The following NBEA variants were observed in gnomAD, a reference collection of about 807,000 sequenced individuals.
NBEA encodes the protein lysosomal-trafficking regulator 2.
NBEA carries 44 observed loss-of-function variants against 343.4 expected under a neutral mutation model. The ratio of observed to expected loss-of-function variants is 0.13; its 90% CI spans 0.10 to 0.16. The LOEUF (loss-of-function observed/expected upper bound fraction) is 0.16, where lower values mean the gene tolerates loss of function less well. NBEA is among the 10% of genes least tolerant of loss of function. The pLI is 1.00. For missense variants in NBEA, 2,555 were observed against 3,631.3 expected (o/e 0.70, Z 7.62); for synonymous variants, 1,175 against 1,238.7 (o/e 0.95, Z 1.08).
intron 11 of NBEA, among the ~76,000 whole-genome samples, chr13:35,099,307 T>G (rs1349758938): frequency 9.9e-5 from 15 of 150,764 alleles, no homozygotes; most frequent in Non-Finnish European, 1.6e-4. Flanking sequence ...CACGCCATTC[T>G]CCTGCCTCAG....
rs938838785 is a variant in NBEA, at chr13:35,505,568, A to G, written c.6585+33032A>G. 4.6e-5 allele frequency among the ~76,000 whole-genome samples: 7 copies of G among 152,212 alleles called. No homozygotes were observed. In the South Asian group the frequency reaches 6.2e-4, roughly 14 times the overall value. ...TAACTGTTATATTAGGGATACATCTATGCCTAAGCTGAAGCCTGAAGCTAT... is the reference window on the plus strand; with the variant it reads ...TAACTGTTATATTAGGGATACATCTGTGCCTAAGCTGAAGCCTGAAGCTAT... On this transcript the variant is annotated intron_variant, in intron 41 of 58. Coordinates refer to ENST00000379939, the MANE Select transcript of NBEA (RefSeq NM_001385012.1).
At chr13:35,274,969 T>C (rs1175450416) in intron 34 of NBEA, among the ~76,000 whole-genome samples, 1 of 152,150 alleles carries the variant, frequency 6.6e-6, no homozygotes, top group Non-Finnish European at 1.5e-5. Flanking sequence ...ACCATCAAAC[T>C]ACCACTGACT....
At chr13:35,181,551 G>A (rs1404446799) in intron 28 of NBEA, among the ~76,000 whole-genome samples, 2 of 150,782 alleles carry the variant, frequency 1.3e-5, no homozygotes, top group Non-Finnish European at 3.0e-5. Flanking sequence ...TGTAGATTGT[G>A]GCTATTAGTT....
intron 1 of NBEA, among the ~76,000 whole-genome samples, chr13:34,984,677 A>G (rs1026695636): frequency 6.6e-6 from 1 of 150,916 alleles, no homozygotes; most frequent in Admixed American, 6.6e-5. Flanking sequence ...TGAGCATGGA[A>G]TGTTCTTCCA....
chr13:35,612,680 T>A (rs1268135269), intron 48 of NBEA, among the ~76,000 whole-genome samples: 3 of 152,182 alleles, frequency 2.0e-5, no homozygotes, highest in East Asian at 1.9e-4. Context: ...TAGACAGTGT[T>A]ATACCCCAAA....
intron 41 of NBEA, among the ~76,000 whole-genome samples, chr13:35,540,135 T>C (rs140791450): frequency 6.6e-6 from 1 of 151,996 alleles, no homozygotes; most frequent in African/African-American, 2.4e-5. Context: ...AAAGAGAAAA[T>C]AATTTGTCTC....
intron 38 of NBEA, among the ~76,000 whole-genome samples, chr13:35,384,738 C>G (rs918164422): frequency 6.6e-6 from 1 of 152,066 alleles, no homozygotes; most frequent in African/African-American, 2.4e-5. Flanking sequence ...GTTGGCCAAG[C>G]TGGTCTTGAA....
intron 47 of NBEA, among the ~76,000 whole-genome samples, chr13:35,596,118 ATG>A (rs145947109): frequency 1.3e-5 from 2 of 151,114 alleles, no homozygotes; most frequent in African/African-American, 4.8e-5. Flanking sequence ...GTGTGTGTGT[ATG>A]TGTGTGTGTG....
At chr13:35,488,053 G>A (rs2076367067) in intron 41 of NBEA, among the ~76,000 whole-genome samples, 1 of 151,766 alleles carries the variant, frequency 6.6e-6, no homozygotes, top group African/African-American at 2.4e-5. Context: ...TATTACCGAG[G>A]TCCTAAGTAC....
intron 1 of NBEA, among the ~76,000 whole-genome samples, chr13:34,968,837 T>A (rs914974740): frequency 4.6e-5 from 7 of 152,262 alleles, no homozygotes; most frequent in East Asian, 3.9e-4. Flanking sequence ...GAACTTTTTT[T>A]AAACACATAT....
rs765473163 is a variant in NBEA at position 35,159,890 on chromosome 13, C to T, written c.3719C>T (p.Thr1240Ile). The change falls in exon 22 of 59, where the codon ACA becomes ATA. Residue 1240 changes from threonine to isoleucine, a missense_variant. Physicochemically the swap from Thr to Ile is moderately conservative, Grantham distance 89. Transcript: ENST00000379939. ...CTGGAGTATGCTGAAATGACTGCTA[C>T]AACTCTGGAAACTGAGTCTTCTAGT... is the stretch of plus-strand genomic sequence containing the variant. ...KGLEYAEMTA[T>I]TLETESSSSK... 1.2e-6 allele frequency: 2 copies of T among 1,600,646 alleles called. No homozygotes were observed. Among genetic ancestry groups the T allele is most frequent in the African/African-American group, 1.3e-5 (1 of 74,820 alleles).
chr13:35,578,529 A>G (rs1196443605), intron 45 of NBEA, among the ~76,000 whole-genome samples: 1 of 152,182 alleles, frequency 6.6e-6, no homozygotes, highest in African/African-American at 2.4e-5. Context: ...AGAATTTCAT[A>G]TTTAGCAATG....
At chr13:35,329,073 G>A (rs1245826495) in intron 36 of NBEA, among the ~76,000 whole-genome samples, 2 of 151,840 alleles carry the variant, frequency 1.3e-5, no homozygotes, top group African/African-American at 2.4e-5. Flanking sequence ...TATACAAATG[G>A]CCAATCACTG....
At chr13:35,575,155 G>A (rs995020602) in intron 45 of NBEA, among the ~76,000 whole-genome samples, 2 of 152,098 alleles carry the variant, frequency 1.3e-5, no homozygotes, top group African/African-American at 2.4e-5. Flanking sequence ...TTAATTAATA[G>A]AAAAATGTAA....
At chr13:35,515,900 A>G (rs1360484043) in intron 41 of NBEA, among the ~76,000 whole-genome samples, 1 of 152,154 alleles carries the variant, frequency 6.6e-6, no homozygotes, top group Non-Finnish European at 1.5e-5. Context: ...CAAAGCACAT[A>G]TTATATCACA....
intron 1 of NBEA, among the ~76,000 whole-genome samples, chr13:34,955,155 T>C (rs1359754107): frequency 1.3e-5 from 2 of 152,164 alleles, no homozygotes; most frequent in Non-Finnish European, 2.9e-5. Flanking sequence ...TTTATCTTGA[T>C]GACTGTAGTT....
chr13:34,974,022 C>G (rs759145953), intron 1 of NBEA, among the ~76,000 whole-genome samples: 1 of 152,158 alleles, frequency 6.6e-6, no homozygotes, highest in Admixed American at 6.5e-5. Flanking sequence ...GAAGGGATCT[C>G]TCCTGACCTG....
At chr13:35,452,320 G>C (rs150315571) in intron 40 of NBEA, 85 bp downstream of exon 40, 6 of 970,452 alleles carry the variant, frequency 6.2e-6, no homozygotes. Flanking sequence ...GTAAATAAAT[G>C]TGTGCCAATG....
At chr13:35,667,169 C>T (rs760870143) in intron 56 of NBEA, among the ~76,000 whole-genome samples, 7 of 152,138 alleles carry the variant, frequency 4.6e-5, no homozygotes, top group African/African-American at 9.7e-5. Context: ...AAGAAGCGTG[C>T]GGCGTAGGAG....
Sources: gnomAD v4.1 joint callset for allele counts (sites outside exome capture counted in the v4.1 genomes callset) on GRCh38, gnomAD v4.1.1 for gene constraint, MANE v1.5 for transcripts, NCBI Gene and HGNC (gene_info 2026-07-23, HGNC 2026-07-21) for gene names.